Variants in PAK5 observed in about 807,000 individuals in gnomAD.
The protein encoded by PAK5 is p21 (RAC1) activated kinase 5, also known as serine/threonine-protein kinase PAK 5.
PAK5 carries 16 observed loss-of-function variants against 65.9 expected under a neutral mutation model. The observed-to-expected ratio is 0.24, with a 90% CI of 0.16 to 0.37. The LOEUF is 0.37. PAK5 is among the 10% of genes least tolerant of loss of function. PAK5 has a pLI of 1.00. For missense variants in PAK5, 785 were observed against 903.9 expected (o/e 0.87, Z 1.69); for synonymous variants, 371 against 354.9 (o/e 1.05, Z -0.51).
intron 1 of PAK5, among the ~76,000 whole-genome samples, chr20:9,743,924 G>T (rs1294886199): frequency 6.6e-6 from 1 of 152,144 alleles, no homozygotes; most frequent in African/African-American, 2.4e-5. Context: ...GGATTATCCA[G>T]GTGTACCCTA....
intron 3 of PAK5, among the ~76,000 whole-genome samples, chr20:9,585,033 AATCTT>A (rs1449124924): frequency 1.3e-5 from 2 of 152,186 alleles, no homozygotes; most frequent in African/African-American, 4.8e-5. Context: ...CTTTAGCAAA[AATCTT>A]ATCTTATCCA....
intron 2 of PAK5, among the ~76,000 whole-genome samples, chr20:9,693,297 A>T (rs566787710): frequency 3.3e-4 from 51 of 152,274 alleles, no homozygotes; most frequent in African/African-American, 1.2e-3. Flanking sequence ...CACAGATGGC[A>T]AGGAGAAATG....
At chr20:9,578,274 C>T (rs1371457055) in intron 4 of PAK5, among the ~76,000 whole-genome samples, 1 of 152,076 alleles carries the variant, frequency 6.6e-6, no homozygotes, top group Non-Finnish European at 1.5e-5. Flanking sequence ...CATTAAATCC[C>T]AAAAGCCCAT....
At chr20:9,654,646 C>A (rs2123309835) in intron 2 of PAK5, among the ~76,000 whole-genome samples, 1 of 152,238 alleles carries the variant, frequency 6.6e-6, no homozygotes, top group African/African-American at 2.4e-5. Flanking sequence ...TCTATGACTT[C>A]TCACCGACCT....
chr20:9,547,303 A>C (rs1159734889), intron 7 of PAK5, among the ~76,000 whole-genome samples: 1 of 152,176 alleles, frequency 6.6e-6, no homozygotes, highest in African/African-American at 2.4e-5. Context: ...ATGAGAATAC[A>C]TTTCATGCAG....
At chr20:9,610,535 C>A (rs2046539051) in intron 3 of PAK5, among the ~76,000 whole-genome samples, 1 of 152,178 alleles carries the variant, frequency 6.6e-6, no homozygotes, top group African/African-American at 2.4e-5. Flanking sequence ...AGCCAAATAG[C>A]AAACAAGGGA....
At chr20:9,783,878 A>G (rs1279812435) in intron 1 of PAK5, among the ~76,000 whole-genome samples, 1 of 152,208 alleles carries the variant, frequency 6.6e-6, no homozygotes, top group Non-Finnish European at 1.5e-5. Flanking sequence ...CACGCTAAAA[A>G]TCTTCCATCT....
intron 2 of PAK5, among the ~76,000 whole-genome samples, chr20:9,694,314 G>T (rs1197317824): frequency 3.2e-5 from 1 of 31,720 alleles, no homozygotes; most frequent in Admixed American, 4.3e-4. Context: ...TTGTGTGTGT[G>T]TGTGTTTGTG....
intron 3 of PAK5, among the ~76,000 whole-genome samples, chr20:9,628,219 G>A (rs1188357703): frequency 6.6e-6 from 1 of 152,156 alleles, no homozygotes; most frequent in Non-Finnish European, 1.5e-5. Flanking sequence ...AGGTAGTACT[G>A]TTATATCCAC....
At chr20:9,552,877 T>C (rs1343221141) in intron 7 of PAK5, among the ~76,000 whole-genome samples, 4 of 151,938 alleles carry the variant, frequency 2.6e-5, no homozygotes, top group African/African-American at 9.7e-5. Flanking sequence ...AATGCCACCA[T>C]ATCCAGCTAA....
chr20:9,796,750 A>T (rs2049109598), intron 1 of PAK5, among the ~76,000 whole-genome samples: 1 of 152,122 alleles, frequency 6.6e-6, no homozygotes, highest in African/African-American at 2.4e-5. Flanking sequence ...TGTGTGGAAG[A>T]TCAAAGACTA....
chr20:9,766,842 G>A (rs1189303233), intron 1 of PAK5, among the ~76,000 whole-genome samples: 1 of 152,026 alleles, frequency 6.6e-6, no homozygotes, highest in Non-Finnish European at 1.5e-5. Flanking sequence ...AATGCTGGAT[G>A]CATTCAGTTG....
At chr20:9,562,826 C>T in intron 6 of PAK5, 65 bp downstream of exon 6, 1 of 1,478,016 alleles carries the variant, frequency 6.8e-7, no homozygotes, top group South Asian at 1.2e-5. Flanking sequence ...TTCATAGTCA[C>T]TGCGGCTTTA....
intron 1 of PAK5, among the ~76,000 whole-genome samples, chr20:9,779,227 A>G (rs537382145): frequency 2.3e-4 from 35 of 152,086 alleles, no homozygotes; most frequent in Admixed American, 5.9e-4. Flanking sequence ...TTTATTGACT[A>G]TGTATCTAAG....
Position 9,621,534 on chromosome 20 carries a change from A to T in PAK5, c.204+22591T>A, listed in dbSNP as rs543137752. ...ATGGGCTGATTTGAAAAAAAAAAAA[A>T]AAAATACTTATGTAGGCATATCCTA... On this transcript the variant is annotated intron_variant, in intron 3 of 9. Coordinates refer to ENST00000353224, the MANE Select transcript of PAK5 (RefSeq NM_177990.4). Among the ~76,000 whole-genome samples, 394 of 152,260 alleles carry T rather than the reference A, an allele frequency of 2.6e-3. 1 individual carries two copies. Among genetic ancestry groups the T allele is most frequent in the Non-Finnish European group, 4.2e-3 (287 of 68,014 alleles).
intron 2 of PAK5, among the ~76,000 whole-genome samples, chr20:9,703,397 A>G (rs2047964314): frequency 6.6e-6 from 1 of 152,170 alleles, no homozygotes; most frequent in South Asian, 2.1e-4. Flanking sequence ...TAGGGAATCC[A>G]GGAGTGGCCA....
intron 2 of PAK5, among the ~76,000 whole-genome samples, chr20:9,664,272 AT>A (rs2047383793): frequency 6.6e-6 from 1 of 152,184 alleles, no homozygotes; most frequent in Admixed American, 6.5e-5. Flanking sequence ...GGAACTCAGC[AT>A]TTCCTTTTCT....
At chr20:9,831,987 T>G (rs1393311026) in intron 1 of PAK5, among the ~76,000 whole-genome samples, 1 of 152,144 alleles carries the variant, frequency 6.6e-6, no homozygotes, top group Non-Finnish European at 1.5e-5. Flanking sequence ...ATTTTGTTTT[T>G]TTCCACTTAA....
chr20:9,816,492 T>C (rs1233861734), intron 1 of PAK5, among the ~76,000 whole-genome samples: 2 of 152,140 alleles, frequency 1.3e-5, no homozygotes, highest in African/African-American at 4.8e-5. Flanking sequence ...TTCCCCAACA[T>C]GAGTGGGCAT....
Sources: allele counts gnomAD v4.1 joint callset (sites outside exome capture counted in the v4.1 genomes callset), GRCh38; gene constraint gnomAD v4.1.1; transcripts MANE v1.5; gene names NCBI Gene and HGNC (gene_info 2026-07-23, HGNC 2026-07-21).